WDR59: variants seen among roughly 807,000 people sequenced by gnomAD.
WDR59 encodes the protein GATOR2 complex protein WDR59.
Under a neutral mutation model 131.2 loss-of-function variants are expected in WDR59, and 100 were observed. That is an observed-to-expected ratio of 0.76 (90% CI 0.65 to 0.90). WDR59 has a LOEUF of 0.90. Among genes scored for constraint, WDR59 ranks in the 40% least tolerant of loss-of-function variants. The probability of loss-of-function intolerance (pLI) is 0.00; values close to 1 mark genes in which losing one functional copy is unlikely to be tolerated. For synonymous variants in WDR59, 601 were observed against 466.2 expected (o/e 1.29, Z -3.72); for missense variants, 1,203 against 1,262.2 (o/e 0.95, Z 0.71).
Position 74,956,366 on chromosome 16 carries a change from T to C in WDR59, c.240+109A>G, listed in dbSNP as rs543309646. Reference sequence around the variant, plus strand: ...TTCTCAGAACCATCCAAACCTCTTTTCCAAATGAGCAATGAGGACTGCATT... The same window carrying C: ...TTCTCAGAACCATCCAAACCTCTTTCCCAAATGAGCAATGAGGACTGCATT... On this transcript the variant is annotated intron_variant, in intron 3 of 25. Transcript: ENST00000262144. The C allele has an allele frequency of 5.9e-4, 819 of 1,386,298 alleles. 1 individual carries two copies. The highest frequency in any genetic ancestry group is 6.9e-4 in the Non-Finnish European group (721 of 1,046,786). 85.9% of individuals were successfully genotyped at this position (1,386,298 alleles called of 1,614,324 possible).
intron 1 of WDR59, among the ~76,000 whole-genome samples, chr16:74,981,150 G>C (rs1265247670): frequency 6.6e-6 from 1 of 151,692 alleles, no homozygotes; most frequent in Non-Finnish European, 1.5e-5. Flanking sequence ...CGGATCACAA[G>C]GTCAGGAGAT....
chr16:74,874,285 A>G lies in WDR59; in HGVS notation c.2849T>C (p.Met950Thr), dbSNP rs1964095458. 6.2e-7 allele frequency: 1 copy of G among 1,614,108 alleles called. No homozygotes were observed. The highest frequency in any genetic ancestry group is 8.5e-7 in the Non-Finnish European group (1 of 1,180,030). The change falls in exon 26 of 26, where the codon ATG (methionine) becomes ACG (threonine). Residue 950 changes from methionine (M) to threonine (T), a missense_variant. Transcript: ENST00000262144. ...CTCCTGGGTCCGAAACCACTCCATCATGTGGCTGGTGTGGCCACCGTGCCC... is the reference window on the plus strand; with the variant it reads ...CTCCTGGGTCCGAAACCACTCCATCGTGTGGCTGGTGTGGCCACCGTGCCC... Reference protein sequence around the residue: ...TCGHGGHTSHMMEWFRTQEVC... With the variant: ...TCGHGGHTSHTMEWFRTQEVC...
At chr16:74,902,270 T>C (rs1365888074) in intron 18 of WDR59, among the ~76,000 whole-genome samples, 1 of 152,196 alleles carries the variant, frequency 6.6e-6, no homozygotes, top group Non-Finnish European at 1.5e-5. Context: ...CTATGTCTAT[T>C]ACGGGGCTCG....
At position 74,893,794 on chromosome 16, in the gene WDR59, T is replaced by A; in HGVS notation, c.1885A>T (p.Ser629Cys). 6.2e-7 allele frequency: 1 copy of A among 1,614,078 alleles called. No individual in the cohort carries two copies. Among genetic ancestry groups the A allele is most frequent in the Non-Finnish European group, 8.5e-7 (1 of 1,179,992 alleles). ...YKERKSRRWK[S>C]KREGSDSGNR... Reference sequence around the variant, plus strand: ...CCAGAGTCTGATCCCTCACGCTTACTTTTCCATCGTCTTGATTTCTAGGGG... The same window carrying A: ...CCAGAGTCTGATCCCTCACGCTTACATTTCCATCGTCTTGATTTCTAGGGG... Residue 629 changes from serine to cysteine, a missense_variant, in exon 19 of 26, where the codon AGT becomes TGT. By Grantham distance (112) the Ser-to-Cys change is moderately radical. Transcript: ENST00000262144.
intron 1 of WDR59, among the ~76,000 whole-genome samples, chr16:74,980,912 C>T (rs934432139): frequency 6.6e-6 from 1 of 151,596 alleles, no homozygotes; most frequent in African/African-American, 2.4e-5. Flanking sequence ...TGACAGCGAG[C>T]TGAGATTGCG....
chr16:74,953,434 C>G (rs999725532), intron 3 of WDR59, among the ~76,000 whole-genome samples: 2 of 148,508 alleles, frequency 1.3e-5, no homozygotes, highest in African/African-American at 5.0e-5. Flanking sequence ...GATGGCGCCA[C>G]TGCACTCCAG....
rs1368299337 is a variant in WDR59 at position 74,886,225 on chromosome 16, G to C, written c.2546+45C>G. The stretch of plus-strand genomic sequence containing the variant: ...GTGATTGTGGAGAAACTGGAGTCCT[G>C]CCTGGAGTCCTGGCATTGCAGCTCT... On this transcript the variant is annotated intron_variant, in intron 24 of 25. Coordinates refer to ENST00000262144, the MANE Select transcript of WDR59 (RefSeq NM_030581.4). The C allele has an allele frequency of 3.2e-6, 5 of 1,578,328 alleles. No homozygotes were observed. The African/African-American group carries it at 6.8e-5, about 22-fold the overall frequency.
intron 8 of WDR59, among the ~76,000 whole-genome samples, chr16:74,930,191 G>T (rs72798647): frequency 0.17 from 26,192 of 152,102 alleles, 2,839 homozygotes; most frequent in Non-Finnish European, 0.24. Context: ...AACTGAAAGG[G>T]TATGATTAGA....
intron 20 of WDR59, among the ~76,000 whole-genome samples, chr16:74,890,064 T>C (rs1396698819): frequency 6.6e-6 from 1 of 152,210 alleles, no homozygotes; most frequent in Non-Finnish European, 1.5e-5. Flanking sequence ...GGCTTAAAAA[T>C]TTTTCATTAA....
Position 74,887,708 on chromosome 16 carries a change from C to G in WDR59, c.2394G>C (p.Gly798=). The G allele has an allele frequency of 6.2e-7, 1 of 1,614,134 alleles. No homozygotes were observed. The highest frequency in any genetic ancestry group is 2.2e-5 in the East Asian group (1 of 44,890). The part of the protein sequence containing the change: ...SGSCSSMSDP[G]LNTGGWNIAG... ...CTATGTTCCAGCCGCCAGTGTTGAG[C>G]CCTGGGTCTGACATACTGGAGCAGG... The change falls in exon 23 of 26, where the codon GGG becomes GGC. Residue 798 remains glycine (G), a synonymous_variant. Transcript: ENST00000262144.
chr16:74,982,957 A>C (rs2034485779), intron 1 of WDR59, among the ~76,000 whole-genome samples: 1 of 152,248 alleles, frequency 6.6e-6, no homozygotes, highest in African/African-American at 2.4e-5. Context: ...GGTATAGTGT[A>C]TACCTGAAGG....
chr16:74,924,223 G>A (rs751716754), intron 8 of WDR59, among the ~76,000 whole-genome samples: 1 of 152,122 alleles, frequency 6.6e-6, no homozygotes, highest in African/African-American at 2.4e-5. Flanking sequence ...GACTTTATGA[G>A]GACCACTAAA....
chr16:74,890,043 G>A (rs1177054988), intron 20 of WDR59, among the ~76,000 whole-genome samples: 2 of 152,208 alleles, frequency 1.3e-5, no homozygotes, highest in African/African-American at 4.8e-5. Context: ...TCTAAAGTTT[G>A]AGAAACACTA....
chr16:74,888,185 A>G lies in WDR59; in HGVS notation c.2330T>C (p.Val777Ala), dbSNP rs1964863327. The change falls in exon 22 of 26, where the codon GTG (valine) becomes GCG (alanine). Residue 777 changes from valine to alanine, a missense_variant. Val to Ala is a moderately conservative substitution (Grantham distance 64). Coordinates refer to ENST00000262144, the MANE Select transcript of WDR59 (RefSeq NM_030581.4). Reference protein sequence around the residue: ...PFPNRSSNLVVSHSRYPSFTS... With the variant: ...PFPNRSSNLVASHSRYPSFTS... ...CAAACTTACATATCGACTATGGGAC[A>G]CCACAAGATTAGAAGAACGGTTAGG... 1 of 1,608,570 alleles carries G rather than the reference A, an allele frequency of 6.2e-7. No individual in the cohort carries two copies. Among genetic ancestry groups the G allele is most frequent in the Non-Finnish European group, 8.5e-7 (1 of 1,178,574 alleles).
intron 8 of WDR59, among the ~76,000 whole-genome samples, chr16:74,933,045 G>C (rs2031522515): frequency 1.3e-5 from 2 of 152,088 alleles, no homozygotes; most frequent in Admixed American, 6.6e-5. Flanking sequence ...ATGCCTTGTG[G>C]AAAAGATTTT....
At chr16:74,973,239 CT>C (rs2034058101) in intron 1 of WDR59, among the ~76,000 whole-genome samples, 1 of 152,084 alleles carries the variant, frequency 6.6e-6, no homozygotes, top group African/African-American at 2.4e-5. Context: ...AAAACTCTGT[CT>C]CAAAAACCAT....
At chr16:74,980,484 G>A (rs1232206001) in intron 1 of WDR59, among the ~76,000 whole-genome samples, 1 of 150,824 alleles carries the variant, frequency 6.6e-6, no homozygotes, top group East Asian at 2.0e-4. Context: ...CTCCCGAGTA[G>A]GTGGAATTAC....
chr16:74,915,263 C>A (rs1966309017), intron 13 of WDR59, among the ~76,000 whole-genome samples: 1 of 151,978 alleles, frequency 6.6e-6, no homozygotes, highest in African/African-American at 2.4e-5. Flanking sequence ...GCCTCCAGGG[C>A]CTAAGTATCT....
chr16:74,940,744 C>T (rs2032152376), intron 7 of WDR59, among the ~76,000 whole-genome samples: 1 of 152,022 alleles, frequency 6.6e-6, no homozygotes, highest in Non-Finnish European at 1.5e-5. Context: ...CTTGCTCTGT[C>T]ATCCAGGCTG....
Sources: allele counts gnomAD v4.1 joint callset (sites outside exome capture counted in the v4.1 genomes callset), GRCh38; gene constraint gnomAD v4.1.1; transcripts MANE v1.5; gene names NCBI Gene and HGNC (gene_info 2026-07-23, HGNC 2026-07-21).